Variants in GALNT13 observed in about 807,000 individuals in gnomAD.
GALNT13 encodes UDP-GalNAc:polypeptide N-acetylgalactosaminyltransferase 13.
GALNT13 carries 28 observed loss-of-function variants against 64.2 expected under a neutral mutation model. The observed-to-expected ratio is 0.44, with a 90% CI of 0.32 to 0.60. The LOEUF is 0.60. GALNT13 is among the 20% of genes least tolerant of loss of function. GALNT13 has a pLI of 0.05. For synonymous variants in GALNT13, 214 were observed against 224.6 expected (o/e 0.95, Z 0.42); for missense variants, 577 against 669.8 (o/e 0.86, Z 1.53).
chr2:154,013,206 C>G (rs1696763723), intron 3 of GALNT13, among the ~76,000 whole-genome samples: 1 of 151,158 alleles, frequency 6.6e-6, no homozygotes, highest in South Asian at 2.1e-4. Flanking sequence ...AGTTGCTGTC[C>G]TTTGAACGAA....
At chr2:154,226,420 T>C (rs1034275349) in intron 4 of GALNT13, among the ~76,000 whole-genome samples, 2 of 152,028 alleles carry the variant, frequency 1.3e-5, no homozygotes, top group African/African-American at 2.4e-5. Flanking sequence ...ACCAGACAAA[T>C]CTCTCTTCCT....
intron 9 of GALNT13, among the ~76,000 whole-genome samples, chr2:154,348,684 C>G (rs799810): frequency 0.23 from 35,358 of 151,814 alleles, 4,959 homozygotes; most frequent in Admixed American, 0.33. Flanking sequence ...GCAGGGGAAT[C>G]TATTTGAGGA....
chr2:154,196,139 T>C (rs889211214), intron 4 of GALNT13, among the ~76,000 whole-genome samples: 2 of 152,008 alleles, frequency 1.3e-5, no homozygotes, highest in African/African-American at 4.8e-5. Context: ...TTCTGGACAT[T>C]GAAATACAAG....
the GALNT13 span, among the ~76,000 whole-genome samples, chr2:153,825,064 C>T: frequency 3.9e-5 from 6 of 152,178 alleles, no homozygotes; most frequent in African/African-American, 1.4e-4. Flanking sequence ...ACTAACACAA[C>T]ATCTTCCCCC....
intron 3 of GALNT13, among the ~76,000 whole-genome samples, chr2:154,036,288 C>CA (rs978849584): frequency 2.0e-5 from 3 of 152,024 alleles, no homozygotes; most frequent in African/African-American, 7.2e-5. Context: ...ACATTGATCC[C>CA]ATGATATACC....
chr2:153,333,777 C>A, the GALNT13 span, among the ~76,000 whole-genome samples: 3 of 152,072 alleles, frequency 2.0e-5, no homozygotes, highest in Non-Finnish European at 2.9e-5. Flanking sequence ...ATATTTGTAC[C>A]GCAAAAATTA....
At chr2:154,446,553 T>C (rs758442614) in intron 12 of GALNT13, 12 of 1,523,148 alleles carry the variant, frequency 7.9e-6, no homozygotes, top group Middle Eastern at 3.5e-4. Flanking sequence ...ATTCGTTATT[T>C]TCTTTGTCAA....
chr2:153,716,742 T>C, the GALNT13 span, among the ~76,000 whole-genome samples: 9 of 137,386 alleles, frequency 6.6e-5, no homozygotes, highest in African/African-American at 2.0e-4. Context: ...ACAAAATAAC[T>C]AGTTATTTCT....
the GALNT13 span, among the ~76,000 whole-genome samples, chr2:153,123,743 A>G: frequency 1.3e-5 from 2 of 152,204 alleles, no homozygotes; most frequent in Non-Finnish European, 1.5e-5. Context: ...AGGGCCAAAT[A>G]CAGAGCCTTC....
chr2:154,131,676 G>T (rs1447103178), intron 3 of GALNT13, among the ~76,000 whole-genome samples: 2 of 152,162 alleles, frequency 1.3e-5, no homozygotes, highest in Non-Finnish European at 2.9e-5. Flanking sequence ...GGGTGTATTA[G>T]TCAGGGTTCT....
At chr2:153,070,326 G>A in the GALNT13 span, among the ~76,000 whole-genome samples, 4 of 152,076 alleles carry the variant, frequency 2.6e-5, no homozygotes, top group African/African-American at 9.7e-5. Flanking sequence ...AGAGTGGGTG[G>A]GATGAATTAA....
chr2:154,103,074 T>G (rs1702432472), intron 3 of GALNT13, among the ~76,000 whole-genome samples: 2 of 152,114 alleles, frequency 1.3e-5, no homozygotes, highest in Admixed American at 1.3e-4. Flanking sequence ...TCAAGTATTT[T>G]TTTTTCATTA....
the GALNT13 span, among the ~76,000 whole-genome samples, chr2:153,227,106 G>T: frequency 6.4e-4 from 97 of 152,230 alleles, no homozygotes; most frequent in South Asian, 1.2e-3. Flanking sequence ...ATGTCAAAAT[G>T]TTGGGCTAAT....
At chr2:154,153,508 T>C (rs1159958323) in intron 4 of GALNT13, among the ~76,000 whole-genome samples, 1 of 152,202 alleles carries the variant, frequency 6.6e-6, no homozygotes, top group African/African-American at 2.4e-5. Context: ...GGTGTCTTTT[T>C]GTTTGTCTGT....
chr2:153,195,980 A>G, the GALNT13 span, among the ~76,000 whole-genome samples: 1 of 152,162 alleles, frequency 6.6e-6, no homozygotes, highest in Non-Finnish European at 1.5e-5. Context: ...TAGCAGAGAG[A>G]GTAGCTCCTC....
the GALNT13 span, among the ~76,000 whole-genome samples, chr2:153,516,135 T>C: frequency 6.6e-6 from 1 of 152,248 alleles, no homozygotes; most frequent in Non-Finnish European, 1.5e-5. Context: ...CATTATTCTA[T>C]GCCACTTTGA....
At chr2:154,224,872 A>G (rs781505124) in intron 4 of GALNT13, among the ~76,000 whole-genome samples, 3 of 152,162 alleles carry the variant, frequency 2.0e-5, no homozygotes, top group Non-Finnish European at 2.9e-5. Context: ...CAACAGAAGA[A>G]AATATTGATA....
the GALNT13 span, among the ~76,000 whole-genome samples, chr2:153,621,558 G>C: frequency 6.6e-6 from 1 of 152,228 alleles, no homozygotes; most frequent in South Asian, 2.1e-4. Flanking sequence ...CCAGGCCCTG[G>C]ATGGGCCCAG....
At chr2:154,210,971 A>C (rs531947599) in intron 4 of GALNT13, among the ~76,000 whole-genome samples, 1 of 152,304 alleles carries the variant, frequency 6.6e-6, no homozygotes, top group Admixed American at 6.5e-5. Flanking sequence ...AGATGTTGAA[A>C]ATACGAAGAG....
Sources: allele counts gnomAD v4.1 joint callset (sites outside exome capture counted in the v4.1 genomes callset), GRCh38; gene constraint gnomAD v4.1.1; transcripts MANE v1.5; gene names NCBI Gene and HGNC (gene_info 2026-07-23, HGNC 2026-07-21).